The following ATAD2 variants were observed in gnomAD, a reference collection of about 807,000 sequenced individuals.
ATAD2 encodes the protein ATPase family AAA domain-containing protein 2.
Under a neutral mutation model 168.9 loss-of-function variants are expected in ATAD2, and 62 were observed. The ratio of observed to expected loss-of-function variants is 0.37; its 90% CI spans 0.30 to 0.45. The LOEUF is 0.45. Among genes scored for constraint, ATAD2 ranks in the 20% least tolerant of loss-of-function variants. The pLI is 1.00. For synonymous variants in ATAD2, 613 were observed against 571.6 expected, an observed-to-expected ratio of 1.07 and a Z score of -1.03; for missense variants, 1,419 against 1,667.8, an observed-to-expected ratio of 0.85 and a Z score of 2.60.
intron 20 of ATAD2, among the ~76,000 whole-genome samples, chr8:123,338,310 G>A (rs952775481): frequency 3.3e-5 from 5 of 151,560 alleles, no homozygotes; most frequent in South Asian, 2.1e-4. Context: ...AGCCAAGATC[G>A]TGCCACTGCA....
At chr8:123,344,861 T>C (rs1415903351) in intron 19 of ATAD2, 23 bp downstream of exon 19, 2 of 1,609,914 alleles carry the variant, frequency 1.2e-6, no homozygotes, top group Admixed American at 1.7e-5. Flanking sequence ...GAAAGTATAA[T>C]GATACCGCCC....
At position 123,327,402 on chromosome 8, in the gene ATAD2, T is replaced by C. The variant is rs529089379; in HGVS notation, c.3868+788A>G. ...AGCCAGAAGATTAACATTTAAAATA[T>C]TCACACTAGAAAGTATATCCTAGTC... On this transcript the variant is annotated intron_variant, in intron 25 of 27. Coordinates refer to ENST00000287394, the MANE Select transcript of ATAD2 (RefSeq NM_014109.4). 2.6e-5 allele frequency among the ~76,000 whole-genome samples: 4 copies of C among 152,260 alleles called. No homozygotes were observed. In the East Asian group the frequency reaches 7.7e-4, roughly 29 times the overall value.
upstream of ATAD2, among the ~76,000 whole-genome samples, chr8:123,400,212 T>G (rs1812977060): frequency 6.6e-6 from 1 of 152,120 alleles, no homozygotes; most frequent in African/African-American, 2.4e-5. The surrounding 1 kb of genome is among the most constrained non-coding windows in gnomAD (Gnocchi z 4.5). Flanking sequence ...GGCGACATTT[T>G]AGATGACACG....
chr8:123,402,050 T>C lies in ATAD2; in HGVS notation c.-2281-875A>G. ...GCTCAAGTTTGAGAAGCGTACCATGTCGGCCCAGATTGAGGGTGGCGTCCA... is the reference window on the plus strand; with the variant it reads ...GCTCAAGTTTGAGAAGCGTACCATGCCGGCCCAGATTGAGGGTGGCGTCCA... On this transcript the variant is annotated intron_variant, in intron 1 of 28. Coordinates refer to the ATAD2 transcript ENST00000521903. The surrounding 1 kb of genome is among the most constrained non-coding windows in gnomAD (Gnocchi z 4.8). 6.6e-7 allele frequency: 1 copy of C among 1,507,354 alleles called. No individual in the cohort carries two copies. Among genetic ancestry groups the C allele is most frequent in the Non-Finnish European group, 9.2e-7 (1 of 1,088,126 alleles). 93.4% of individuals were successfully genotyped at this position (1,507,354 alleles called of 1,614,324 possible).
chr8:123,353,895 G>T (rs1057102295), intron 13 of ATAD2, among the ~76,000 whole-genome samples: 7 of 152,192 alleles, frequency 4.6e-5, no homozygotes, highest in Non-Finnish European at 7.3e-5. Context: ...TACTTTGGAA[G>T]GCTGAGGCAG....
intron 22 of ATAD2, 113 bp from the exon 23 acceptor site, chr8:123,334,435 T>C: frequency 9.8e-7 from 1 of 1,020,138 alleles, no homozygotes; most frequent in Non-Finnish European, 1.3e-6. Flanking sequence ...TTTTGACTTT[T>C]ACCAAGAATA....
intron 1 of ATAD2, among the ~76,000 whole-genome samples, chr8:123,406,838 T>C (rs1454219830): frequency 6.8e-6 from 1 of 146,026 alleles, no homozygotes; most frequent in Non-Finnish European, 1.5e-5. Flanking sequence ...AAAAAAAAAT[T>C]ACCACACTGG....
At chr8:123,328,044 A>T (rs1827661596) in intron 25 of ATAD2, 146 bp downstream of exon 25, 2 of 625,478 alleles carry the variant, frequency 3.2e-6, no homozygotes, top group Non-Finnish European at 4.7e-6. Flanking sequence ...GCTCAATAGT[A>T]AAGATAATGC....
chr8:123,398,618 C>G (rs957479618), upstream of ATAD2, among the ~76,000 whole-genome samples: 1 of 152,148 alleles, frequency 6.6e-6, no homozygotes, highest in Non-Finnish European at 1.5e-5. Flanking sequence ...CTCAAGCAAT[C>G]CTTCCACCTC....
chr8:123,347,171 G>A lies in ATAD2; in HGVS notation c.2133C>T (p.Asn711=), dbSNP rs879118269. 4 of 1,614,196 alleles carry A rather than the reference G, an allele frequency of 2.5e-6. No individual in the cohort carries two copies. The highest frequency in any genetic ancestry group is 1.1e-5 in the South Asian group (1 of 91,090). Residue 711 remains asparagine (N), a synonymous_variant, in exon 16 of 28, where the codon AAC becomes AAT. Transcript: ENST00000287394. ...LSTVVKPLLQ[N]TVDKILEALQ... ...GGGCTTCTAAAATCTTGTCAACAGT[G>A]TTTTGCAGGAGTGGTTTCACAACGG...
rs910092120 is a variant in ATAD2, at chr8:123,359,366, T to C, written c.1267-30A>G. The C allele has an allele frequency of 4.0e-6, 6 of 1,517,372 alleles. No homozygotes were observed. The Admixed American group carries it at 5.6e-5, about 14-fold the overall frequency. 94.0% of individuals were successfully genotyped at this position (1,517,372 alleles called of 1,614,324 possible). A position where few individuals can be genotyped will look rare whatever the true frequency, so the allele number is the denominator to read the frequency against. On this transcript the variant is annotated intron_variant, in intron 10 of 27. Transcript: ENST00000287394. ...TAATGGAAGCGAACATGTACATTTT[T>C]AGATTTGGAGTCCAGATTAAAATGT...
chr8:123,371,591 C>T (rs1829149799), intron 4 of ATAD2, 79 bp downstream of exon 4: 2 of 1,306,960 alleles, frequency 1.5e-6, no homozygotes, highest in African/African-American at 1.5e-5. Context: ...AATGTTTGGG[C>T]TGGTTGAAAT....
chr8:123,361,681 G>A (rs1395458399), intron 8 of ATAD2, 35 bp from the exon 9 acceptor site: 3 of 1,531,572 alleles, frequency 2.0e-6, no homozygotes, highest in Middle Eastern at 1.7e-4. Flanking sequence ...TCATGATAAG[G>A]AAGGGCAGGA....
rs148831061 is a variant in ATAD2 at position 123,371,897 on chromosome 8, A to T, written c.371-62T>A. ...TTGAAATAATAGTATTTATAAAACA[A>T]TTCTAAAATGAACAATTGAAAAGCT... On this transcript the variant is annotated intron_variant, in intron 3 of 27. Coordinates refer to ENST00000287394, the MANE Select transcript of ATAD2 (RefSeq NM_014109.4). 141 of 1,342,914 alleles carry T rather than the reference A, an allele frequency of 1.0e-4. No individual in the cohort carries two copies. The East Asian group carries it at 3.7e-3, about 35-fold the overall frequency. The allele number at this position is 1,342,914 out of a possible 1,614,324, so 83.2% of individuals were successfully genotyped here.
At chr8:123,412,230 C>T (rs147936114) in intron 1 of ATAD2, among the ~76,000 whole-genome samples, 1 of 152,286 alleles carries the variant, frequency 6.6e-6, no homozygotes, top group East Asian at 1.9e-4. Context: ...TGTATATGCT[C>T]AGGCTGTGGA....
chr8:123,366,926 G>A (rs2034174564), intron 8 of ATAD2, among the ~76,000 whole-genome samples: 2 of 151,300 alleles, frequency 1.3e-5, no homozygotes, highest in South Asian at 4.2e-4. Flanking sequence ...AGGGGCTGAG[G>A]CAAGTCAGTA....
chr8:123,339,353 GAATTA>G lies in ATAD2; in HGVS notation c.2807_2811del (p.Leu936SerfsTer6). ...ATAGGAGGCTTAGCAGCTTGTTTTAGAATTAAATCTTCAAAAAATTTTGTCCGTTC... is the reference window on the plus strand; with the variant it reads ...ATAGGAGGCTTAGCAGCTTGTTTTAGAATCTTCAAAAAATTTTGTCCGTTC... On this transcript the variant is annotated frameshift_variant, in exon 20 of 28. Transcript: ENST00000287394. LOFTEE classifies it high-confidence loss of function. 1 of 1,599,694 alleles carries G rather than the reference GAATTA, an allele frequency of 6.3e-7. No individual in the cohort carries two copies. The highest frequency in any genetic ancestry group is 8.5e-7 in the Non-Finnish European group (1 of 1,170,964).
upstream of ATAD2, among the ~76,000 whole-genome samples, chr8:123,399,240 G>A (rs1447049122): frequency 1.4e-5 from 2 of 145,280 alleles, no homozygotes; most frequent in Non-Finnish European, 3.0e-5. Flanking sequence ...CCAACCTGGC[G>A]ACACAGCAAG....
chr8:123,414,655 G>C (rs1427142230), intron 1 of ATAD2, among the ~76,000 whole-genome samples: 2 of 152,142 alleles, frequency 1.3e-5, no homozygotes, highest in African/African-American at 4.8e-5. Context: ...CTATGATAAA[G>C]GCATAACGAT....
Sources: gnomAD v4.1 joint callset for allele counts (sites outside exome capture counted in the v4.1 genomes callset) on GRCh38, gnomAD v4.1.1 for gene constraint, Gnocchi (gnomAD v3.1) non-coding constraint, MANE v1.5 for transcripts, NCBI Gene and HGNC (gene_info 2026-07-23, HGNC 2026-07-21) for gene names.